Variants in GNG12 observed in about 807,000 individuals in gnomAD.
GNG12 encodes the protein G protein subunit gamma 12.
For synonymous variants in GNG12, 28 were observed against 29.7 expected, an observed-to-expected ratio of 0.94 and a Z score of 0.19; for missense variants, 69 against 83.8, an observed-to-expected ratio of 0.82 and a Z score of 0.69.
chr1:67,816,318 G>A (rs2100815413), intron 1 of GNG12, among the ~76,000 whole-genome samples: 1 of 152,250 alleles, frequency 6.6e-6, no homozygotes, highest in Admixed American at 6.5e-5. Flanking sequence ...TGGGCAGAGT[G>A]CAAAGGGCAC....
chr1:67,764,002 G>A (rs556897784), intron 2 of GNG12, among the ~76,000 whole-genome samples: 2 of 152,192 alleles, frequency 1.3e-5, no homozygotes, highest in African/African-American at 2.4e-5. Flanking sequence ...GGTTATAAAC[G>A]GCATTGCTCC....
rs538590761 is a variant in GNG12 at position 67,767,399 on chromosome 1, C to T, written c.-27+10059G>A. ...GTGGAGCTATTGAAAGAAACACTTG[C>T]GCTGCCCTGTGAAAGGGAACAAACT... On this transcript the variant is annotated intron_variant, in intron 2 of 3. Coordinates refer to ENST00000370982, the MANE Select transcript of GNG12 (RefSeq NM_018841.6). 8.9e-4 allele frequency among the ~76,000 whole-genome samples: 136 copies of T among 152,192 alleles called. 1 individual carries two copies. Among genetic ancestry groups the T allele is most frequent in the Non-Finnish European group, 1.2e-3 (84 of 68,032 alleles).
intron 3 of GNG12, 30 bp downstream of exon 3, chr1:67,707,564 A>C (rs1161515706): frequency 8.8e-7 from 1 of 1,134,732 alleles, no homozygotes. Flanking sequence ...CTGAGCAGAA[A>C]GCATATGTTA....
chr1:67,762,527 G>T (rs1040519127), intron 2 of GNG12, among the ~76,000 whole-genome samples: 1 of 152,118 alleles, frequency 6.6e-6, no homozygotes, highest in Non-Finnish European at 1.5e-5. Flanking sequence ...AAAAACAAGA[G>T]AAAAGTTTAA....
At chr1:67,763,090 G>GGAGAGAGAGAGA (rs71064962) in intron 2 of GNG12, among the ~76,000 whole-genome samples, 2,846 of 116,722 alleles carry the variant, frequency 0.024, 92 homozygotes, top group African/African-American at 0.057. Flanking sequence ...TACCCTCCCA[G>GGAGAGAGAGAGA]GAGAGAGAGA....
chr1:67,765,221 C>T (rs115035415), intron 2 of GNG12, among the ~76,000 whole-genome samples: 38 of 152,186 alleles, frequency 2.5e-4, no homozygotes, highest in African/African-American at 8.4e-4. Flanking sequence ...CCCCAGTAGG[C>T]GATTAAGCTG....
At chr1:67,801,687 G>A (rs113279526) in intron 1 of GNG12, among the ~76,000 whole-genome samples, 8 of 152,276 alleles carry the variant, frequency 5.3e-5, no homozygotes, top group Non-Finnish European at 1.2e-4. Flanking sequence ...AGCCTAATTT[G>A]GTGGGGAGTG....
At chr1:67,832,719 T>C (rs900130423) in intron 1 of GNG12, among the ~76,000 whole-genome samples, 4 of 151,662 alleles carry the variant, frequency 2.6e-5, no homozygotes, top group African/African-American at 9.7e-5. Context: ...CCTCGCGGGG[T>C]GCGTCATATG....
intron 2 of GNG12, among the ~76,000 whole-genome samples, chr1:67,738,826 G>A (rs888957358): frequency 3.9e-5 from 6 of 152,178 alleles, no homozygotes; most frequent in African/African-American, 1.4e-4. Flanking sequence ...TTATAGTGAA[G>A]TATGATTGTA....
chr1:67,795,217 C>T (rs1437077356), intron 1 of GNG12, among the ~76,000 whole-genome samples: 3 of 152,160 alleles, frequency 2.0e-5, no homozygotes, highest in African/African-American at 4.8e-5. Context: ...GCAATTTTGA[C>T]GGTTCCCAAC....
chr1:67,768,095 GT>G (rs1646652176), intron 2 of GNG12, among the ~76,000 whole-genome samples: 1 of 152,212 alleles, frequency 6.6e-6, no homozygotes, highest in African/African-American at 2.4e-5. Context: ...ATTCTTATTT[GT>G]AAAACGGAAT....
intron 1 of GNG12, among the ~76,000 whole-genome samples, chr1:67,792,794 C>T (rs17130294): frequency 0.033 from 5,033 of 152,282 alleles, 177 homozygotes; most frequent in Non-Finnish European, 0.045. Context: ...AATATTAAGA[C>T]AACTCCTTGG....
At chr1:67,738,000 G>A (rs1021602296) in intron 2 of GNG12, among the ~76,000 whole-genome samples, 3 of 151,836 alleles carry the variant, frequency 2.0e-5, no homozygotes, top group Non-Finnish European at 4.4e-5. Context: ...TCAGTGGCAC[G>A]ATCATGTCTC....
intron 2 of GNG12, among the ~76,000 whole-genome samples, chr1:67,733,623 A>C (rs1646433891): frequency 6.6e-6 from 1 of 152,224 alleles, no homozygotes; most frequent in Admixed American, 6.5e-5. Context: ...TAGGAAAAAA[A>C]CCAAAAAGGG....
chr1:67,737,559 A>C (rs1646459281), intron 2 of GNG12, among the ~76,000 whole-genome samples: 1 of 152,130 alleles, frequency 6.6e-6, no homozygotes, highest in South Asian at 2.1e-4. Context: ...CAGTAAAACA[A>C]AGAGCTTGGA....
intron 1 of GNG12, among the ~76,000 whole-genome samples, chr1:67,827,747 A>G (rs977127458): frequency 6.6e-6 from 1 of 152,158 alleles, no homozygotes; most frequent in Non-Finnish European, 1.5e-5. Context: ...TTTATTATAC[A>G]GTAATTCTCT....
Position 67,775,964 on chromosome 1 carries a change from G to C in GNG12, c.-27+1494C>G, listed in dbSNP as rs536935824. Among the ~76,000 whole-genome samples the C allele has an allele frequency of 4.6e-5, 7 of 152,316 alleles. No homozygotes were observed. The South Asian group carries it at 8.3e-4, about 18-fold the overall frequency. On this transcript the variant is annotated intron_variant, in intron 2 of 3. Transcript: ENST00000370982. Reference sequence around the variant, plus strand: ...AGGGAATAGCAGGACTTGAACAAGAGAGAATGGGGCCAGAAAATGAGTGGA... The same window carrying C: ...AGGGAATAGCAGGACTTGAACAAGACAGAATGGGGCCAGAAAATGAGTGGA...
chr1:67,720,269 C>G (rs900069688), intron 2 of GNG12, among the ~76,000 whole-genome samples: 1 of 152,208 alleles, frequency 6.6e-6, no homozygotes, highest in African/African-American at 2.4e-5. Flanking sequence ...AATAAGTTTT[C>G]AGCTGGTGAA....
chr1:67,757,363 G>A (rs1282045966), intron 2 of GNG12, among the ~76,000 whole-genome samples: 2 of 152,308 alleles, frequency 1.3e-5, no homozygotes, highest in East Asian at 3.9e-4. Flanking sequence ...CAGCCTACAT[G>A]AGGAAACAGG....
Sources: gnomAD v4.1 joint callset for allele counts (sites outside exome capture counted in the v4.1 genomes callset) on GRCh38, gnomAD v4.1.1 for gene constraint, MANE v1.5 for transcripts, NCBI Gene and HGNC (gene_info 2026-07-23, HGNC 2026-07-21) for gene names.